Variants in GFM1 observed in about 807,000 individuals in gnomAD.
GFM1 encodes elongation factor G, mitochondrial.
A neutral mutation model predicts 96.2 loss-of-function variants in GFM1; 62 were observed. That is an observed-to-expected ratio of 0.64 (90% CI 0.53 to 0.80). The LOEUF (loss-of-function observed/expected upper bound fraction) is 0.80, where lower values mean the gene tolerates loss of function less well. Ranked by LOEUF, GFM1 falls within the 30% of genes least tolerant of loss-of-function variation. The pLI is 0.00. For synonymous variants in GFM1, 282 were observed against 312.9 expected (o/e 0.90, Z 1.04); for missense variants, 852 against 916.6 (o/e 0.93, Z 0.91).
At chr3:158,655,944 C>G in intron 8 of GFM1, 1 of 456,594 alleles carries the variant, frequency 2.2e-6, no homozygotes, top group Non-Finnish European at 4.4e-6. Context: ...CCTTGTTTCT[C>G]ACGAGATTGA....
chr3:158,683,332 C>G (rs1329920431), intron 14 of GFM1, among the ~76,000 whole-genome samples: 3 of 152,142 alleles, frequency 2.0e-5, no homozygotes, highest in East Asian at 1.9e-4. Flanking sequence ...TCTGCGCAGC[C>G]ATGTTATTGT....
intron 15 of GFM1, among the ~76,000 whole-genome samples, chr3:158,689,760 A>G (rs961799310): frequency 6.6e-6 from 1 of 151,792 alleles, no homozygotes; most frequent in Non-Finnish European, 1.5e-5. Flanking sequence ...AAAAAAAAAA[A>G]AAAGAAAGAA....
rs1723568960 is a variant in GFM1 at position 158,665,368 on chromosome 3, G to T, written c.1412G>T (p.Gly471Val). Residue 471 changes from glycine to valine, a missense_variant, in exon 12 of 18, where the codon GGC becomes GTC. Coordinates refer to ENST00000486715, the MANE Select transcript of GFM1 (RefSeq NM_024996.7). ...CTGGAAAAATTTTCAAAAGGTATTG[G>T]CAGGTTTACAAGAGAAGATCCCACA... is the stretch of plus-strand genomic sequence containing the variant. ...NDLEKFSKGI[G>V]RFTREDPTFK... 3 of 1,610,548 alleles carry T rather than the reference G, an allele frequency of 1.9e-6. No homozygotes were observed. The highest frequency in any genetic ancestry group is 2.5e-6 in the Non-Finnish European group (3 of 1,177,246).
chr3:158,684,054 G>T (rs1560144395), intron 14 of GFM1, among the ~76,000 whole-genome samples: 1 of 152,092 alleles, frequency 6.6e-6, no homozygotes, highest in African/African-American at 2.4e-5. Context: ...GCAGGGAGGG[G>T]CATGGATGGA....
chr3:158,660,563 A>G (rs888265333), intron 9 of GFM1: 53 of 352,498 alleles, frequency 1.5e-4, no homozygotes, highest in African/African-American at 1.1e-3. Flanking sequence ...ATGCCTTTTA[A>G]TTCCATAGAA....
Position 158,666,196 on chromosome 3 carries a change from T to G in GFM1, c.1519-108T>G, listed in dbSNP as rs578034766. 44 of 760,506 alleles carry G rather than the reference T, an allele frequency of 5.8e-5. 1 individual carries two copies. Among genetic ancestry groups the G allele is most frequent in the South Asian group, 4.1e-4 (26 of 63,396 alleles). The allele number at this position is 760,506 out of a possible 1,614,324, so 47.1% of individuals were successfully genotyped here. On this transcript the variant is annotated intron_variant, in intron 12 of 17. Transcript: ENST00000486715. ...GATACTAAAATGATTTAAGATTTGT[T>G]TATCTATTATATTTAAGTGAATGCT...
chr3:158,650,319 A>C (rs1370955133), intron 5 of GFM1: 2 of 469,778 alleles, frequency 4.3e-6, no homozygotes, highest in Non-Finnish European at 7.8e-6. Context: ...ACAACTAGGC[A>C]GTTGTAACTG....
chr3:158,646,624 G>A (rs983107644), intron 3 of GFM1, 119 bp from the exon 4 acceptor site: 9 of 935,410 alleles, frequency 9.6e-6, no homozygotes, highest in Admixed American at 4.0e-5. Flanking sequence ...GTGAGCTCAG[G>A]AATCTACATT....
intron 7 of GFM1, 94 bp from the exon 8 acceptor site, chr3:158,654,453 C>CT: frequency 2.5e-6 from 2 of 800,200 alleles, no homozygotes; most frequent in Non-Finnish European, 4.1e-6. Flanking sequence ...CACACACGTG[C>CT]TTTTTCTCAG....
intron 11 of GFM1, among the ~76,000 whole-genome samples, chr3:158,664,632 C>G (rs1044831599): frequency 4.6e-5 from 7 of 152,176 alleles, no homozygotes; most frequent in African/African-American, 1.7e-4. Context: ...CTAGCTTCCT[C>G]CTCCATGTTT....
chr3:158,652,314 G>A lies in GFM1; in HGVS notation c.840+68G>A, dbSNP rs878859919. On this transcript the variant is annotated intron_variant, in intron 6 of 17. Coordinates refer to ENST00000486715, the MANE Select transcript of GFM1 (RefSeq NM_024996.7). Reference sequence around the variant, plus strand: ...AGTCGTTTGTTTTTTGTAGGGAGGGGACATGATGCTTTTATGTATGGGCTT... The same window carrying A: ...AGTCGTTTGTTTTTTGTAGGGAGGGAACATGATGCTTTTATGTATGGGCTT... The A allele has an allele frequency of 3.0e-6, 4 of 1,334,362 alleles. No individual in the cohort carries two copies. In the South Asian group the frequency reaches 4.7e-5, roughly 16 times the overall value. The allele number at this position is 1,334,362 out of a possible 1,614,324, so 82.7% of individuals were successfully genotyped here.
chr3:158,680,319 A>G (rs1168193789), intron 13 of GFM1, among the ~76,000 whole-genome samples: 3 of 152,148 alleles, frequency 2.0e-5, no homozygotes, highest in Non-Finnish European at 4.4e-5. Context: ...AACAATTCTA[A>G]TGAACGTTCA....
chr3:158,668,702 A>G (rs1308334392), intron 13 of GFM1, among the ~76,000 whole-genome samples: 1 of 152,212 alleles, frequency 6.6e-6, no homozygotes, highest in East Asian at 1.9e-4. Context: ...CTATGTTCCC[A>G]GAGCATGCAA....
intron 13 of GFM1, chr3:158,672,467 C>T: frequency 6.2e-7 from 1 of 1,613,948 alleles, no homozygotes; most frequent in Non-Finnish European, 8.5e-7. Context: ...AGTTGGTCGG[C>T]GGGATTTCCA....
intron 4 of GFM1, among the ~76,000 whole-genome samples, chr3:158,647,958 T>G (rs1010455487): frequency 1.3e-5 from 2 of 152,216 alleles, no homozygotes; most frequent in African/African-American, 2.4e-5. Context: ...ACTTATTCTT[T>G]CTGTCTCCTT....
In GFM1 at chr3:158,645,782, G is replaced by T. The variant is rs747437028; in HGVS notation, c.234+1G>T. On this transcript the variant is annotated splice_donor_variant, in intron 2 of 17. Transcript: ENST00000486715. LOFTEE classifies it high-confidence loss of function. Reference sequence around the variant, plus strand: ...TGGCAGAATTGCAAAGATGCATGAGGTATATATTCACGGTTGATTCCGGAT... The same window carrying T: ...TGGCAGAATTGCAAAGATGCATGAGTTATATATTCACGGTTGATTCCGGAT... 6.2e-7 allele frequency: 1 copy of T among 1,609,012 alleles called. No homozygotes were observed. Among genetic ancestry groups the T allele is most frequent in the Non-Finnish European group, 8.5e-7 (1 of 1,175,406 alleles).
At chr3:158,646,321 T>C in intron 3 of GFM1, 24 bp downstream of exon 3, 3 of 1,613,538 alleles carry the variant, frequency 1.9e-6, no homozygotes, top group Non-Finnish European at 2.5e-6. Context: ...TTGGTTTTAT[T>C]GCAGCTTCTT....
intron 13 of GFM1, chr3:158,666,693 T>C: frequency 1.2e-6 from 2 of 1,614,072 alleles, no homozygotes; most frequent in Non-Finnish European, 1.7e-6. Context: ...TGTTTTACTT[T>C]AGTGCCGTAT....
intron 4 of GFM1, among the ~76,000 whole-genome samples, chr3:158,647,712 T>C (rs981242801): frequency 6.6e-6 from 1 of 152,226 alleles, no homozygotes; most frequent in African/African-American, 2.4e-5. Context: ...AACTTTTTTT[T>C]GGTAAATTGT....
Sources: gnomAD v4.1 joint callset for allele counts (sites outside exome capture counted in the v4.1 genomes callset) on GRCh38, gnomAD v4.1.1 for gene constraint, MANE v1.5 for transcripts, NCBI Gene and HGNC (gene_info 2026-07-23, HGNC 2026-07-21) for gene names.